XRCC4: variants seen among roughly 807,000 people sequenced by gnomAD.
XRCC4 encodes the protein DNA repair protein XRCC4.
Under a neutral mutation model 39.1 loss-of-function variants are expected in XRCC4, and 28 were observed. The observed-to-expected ratio is 0.72, with a 90% CI of 0.53 to 0.98. The LOEUF is 0.98. Ranked by LOEUF, XRCC4 falls within the 50% of genes least tolerant of loss-of-function variation. The pLI is 0.00. For missense variants in XRCC4, 350 were observed against 376.4 expected (o/e 0.93, Z 0.58); for synonymous variants, 123 against 126.4 (o/e 0.97, Z 0.18).
chr5:83,165,372 A>G (rs911232818), intron 3 of XRCC4, among the ~76,000 whole-genome samples: 1 of 152,194 alleles, frequency 6.6e-6, no homozygotes, highest in Non-Finnish European at 1.5e-5. Flanking sequence ...GATACTGTGG[A>G]ACTAGAGAAT....
chr5:83,291,887 CAGAT>C (rs1180224754), intron 7 of XRCC4, among the ~76,000 whole-genome samples: 3 of 150,746 alleles, frequency 2.0e-5, no homozygotes, highest in Admixed American at 6.6e-5. Flanking sequence ...GATGGATGGA[CAGAT>C]AGATGAGTTA....
At chr5:83,196,952 A>C (rs1750977275) in intron 4 of XRCC4, among the ~76,000 whole-genome samples, 1 of 151,764 alleles carries the variant, frequency 6.6e-6, no homozygotes, top group African/African-American at 2.4e-5. Context: ...GAGGCTGACT[A>C]AAAGATTATT....
At chr5:83,104,488 G>GC (rs1554054204) in intron 1 of XRCC4, among the ~76,000 whole-genome samples, 4 of 150,556 alleles carry the variant, frequency 2.7e-5, no homozygotes, top group African/African-American at 9.8e-5. Flanking sequence ...ATAATTTTTT[G>GC]TTTTTTTTTA....
intron 3 of XRCC4, among the ~76,000 whole-genome samples, chr5:83,194,051 G>A (rs1020530791): frequency 1.3e-5 from 2 of 152,140 alleles, no homozygotes; most frequent in African/African-American, 4.8e-5. Flanking sequence ...TTGTGCCTCA[G>A]CCTCCTGAGT....
At chr5:83,132,403 A>G (rs969060233) in intron 3 of XRCC4, among the ~76,000 whole-genome samples, 3 of 151,856 alleles carry the variant, frequency 2.0e-5, no homozygotes, top group African/African-American at 7.3e-5. Context: ...CGTTGTCTGT[A>G]TTTCCTGAAT....
intron 7 of XRCC4, among the ~76,000 whole-genome samples, chr5:83,283,090 G>C (rs1580463245): frequency 6.7e-6 from 1 of 148,172 alleles, no homozygotes; most frequent in East Asian, 2.0e-4. Context: ...AAACAAAAAA[G>C]GAATTGACAA....
intron 3 of XRCC4, among the ~76,000 whole-genome samples, chr5:83,190,972 T>G (rs1048988974): frequency 2.0e-5 from 3 of 152,178 alleles, no homozygotes; most frequent in African/African-American, 7.2e-5. Context: ...ATCCCTTACC[T>G]ATCCTATTGT....
At chr5:83,348,029 G>A (rs182239345) in intron 7 of XRCC4, among the ~76,000 whole-genome samples, 7 of 152,302 alleles carry the variant, frequency 4.6e-5, no homozygotes, top group African/African-American at 1.4e-4. Context: ...CACATCCAGG[G>A]CACAGTGATG....
At chr5:83,302,053 C>A (rs1057347080) in intron 7 of XRCC4, among the ~76,000 whole-genome samples, 16 of 152,122 alleles carry the variant, frequency 1.1e-4, no homozygotes, top group African/African-American at 3.9e-4. Context: ...GCAGATGCCC[C>A]TCCCCCTACT....
chr5:83,283,932 G>A (rs1387369974), intron 7 of XRCC4, among the ~76,000 whole-genome samples: 3 of 151,648 alleles, frequency 2.0e-5, no homozygotes, highest in African/African-American at 7.3e-5. Flanking sequence ...TGAAAACTGG[G>A]TATCCAGTCA....
chr5:83,367,931 CAT>C, the XRCC4 span, among the ~76,000 whole-genome samples: 1 of 151,954 alleles, frequency 6.6e-6, no homozygotes, highest in Non-Finnish European at 1.5e-5. Context: ...AAGTGTACAA[CAT>C]AGGCAGCTCT....
At chr5:83,171,808 G>T (rs1219369641) in intron 3 of XRCC4, among the ~76,000 whole-genome samples, 4 of 152,026 alleles carry the variant, frequency 2.6e-5, no homozygotes, top group Non-Finnish European at 4.4e-5. Context: ...AGTTTCTCCT[G>T]CCAGATTATA....
intron 7 of XRCC4, among the ~76,000 whole-genome samples, chr5:83,282,274 A>C (rs992362061): frequency 5.9e-5 from 9 of 152,194 alleles, no homozygotes; most frequent in Admixed American, 1.3e-4. Flanking sequence ...TCCAAGGAAA[A>C]TAACCAGGAA....
At chr5:83,183,301 A>G (rs28360113) in intron 3 of XRCC4, among the ~76,000 whole-genome samples, 2,188 of 151,336 alleles carry the variant, frequency 0.014, 27 homozygotes, top group Non-Finnish European at 0.025. Flanking sequence ...TAATTTATAC[A>G]TTTTTTTCTT....
chr5:83,191,392 CATGAGATCTG>C (rs67984877), intron 3 of XRCC4, among the ~76,000 whole-genome samples: 4,147 of 152,226 alleles, frequency 0.027, 161 homozygotes, highest in African/African-American at 0.084. Context: ...GAATGAGTCT[CATGAGATCTG>C]ATGGTTTTAA....
chr5:83,283,251 C>T (rs1754612161), intron 7 of XRCC4, among the ~76,000 whole-genome samples: 2 of 152,162 alleles, frequency 1.3e-5, no homozygotes, highest in Admixed American at 1.3e-4. Flanking sequence ...CCTCATTTTA[C>T]ATTTGAAGAA....
intron 7 of XRCC4, among the ~76,000 whole-genome samples, chr5:83,276,708 A>C (rs1458591193): frequency 6.6e-6 from 1 of 152,132 alleles, no homozygotes; most frequent in African/African-American, 2.4e-5. Context: ...TTCCTATTTA[A>C]TATACCTAAC....
At chr5:83,345,277 A>C (rs2112214653) in intron 7 of XRCC4, among the ~76,000 whole-genome samples, 1 of 152,202 alleles carries the variant, frequency 6.6e-6, no homozygotes, top group East Asian at 1.9e-4. Context: ...CCTTGAATAA[A>C]CTTTCTTATT....
intron 3 of XRCC4, among the ~76,000 whole-genome samples, chr5:83,193,549 G>A (rs1479776624): frequency 2.0e-5 from 3 of 152,166 alleles, no homozygotes; most frequent in Non-Finnish European, 4.4e-5. Context: ...TATTTTGAAA[G>A]AAGTTGTTAT....
Sources: gnomAD v4.1 joint callset for allele counts (sites outside exome capture counted in the v4.1 genomes callset) on GRCh38, gnomAD v4.1.1 for gene constraint, MANE v1.5 for transcripts, NCBI Gene and HGNC (gene_info 2026-07-23, HGNC 2026-07-21) for gene names.